Variants in SENP2 observed in about 807,000 individuals in gnomAD.
SENP2 encodes the protein SUMO specific peptidase 2.
SENP2 carries 16 observed loss-of-function variants against 86.3 expected under a neutral mutation model. That is an observed-to-expected ratio of 0.19 (90% CI 0.13 to 0.28). SENP2 has a LOEUF of 0.28. Among genes scored for constraint, SENP2 ranks in the 10% least tolerant of loss-of-function variants. SENP2 has a pLI of 1.00. For missense variants in SENP2, 552 were observed against 703.0 expected (o/e 0.79, Z 2.43); for synonymous variants, 222 against 238.7 (o/e 0.93, Z 0.64).
intron 2 of SENP2, among the ~76,000 whole-genome samples, chr3:185,590,946 G>GCC (rs202228329): frequency 0.33 from 28,392 of 87,290 alleles, 5,186 homozygotes; most frequent in South Asian, 0.45. Flanking sequence ...TTGCTCTGTC[G>GCC]CAGGCTGGAG....
chr3:185,597,399 C>T (rs560458395), intron 2 of SENP2, among the ~76,000 whole-genome samples: 34 of 152,130 alleles, frequency 2.2e-4, no homozygotes, highest in Non-Finnish European at 4.6e-4. Flanking sequence ...GTCGCCCCGG[C>T]TGGAGTGGAG....
At chr3:185,607,701 T>A (rs1722564055) in intron 6 of SENP2, among the ~76,000 whole-genome samples, 2 of 152,098 alleles carry the variant, frequency 1.3e-5, no homozygotes, top group African/African-American at 4.8e-5. Context: ...AAGTTTTTTT[T>A]TATATATAGA....
At chr3:185,588,272 C>G (rs1361671392) in intron 1 of SENP2, among the ~76,000 whole-genome samples, 3 of 151,558 alleles carry the variant, frequency 2.0e-5, no homozygotes, top group Admixed American at 6.6e-5. Context: ...GTCTCGATCT[C>G]CTGACCTCAG....
At chr3:185,613,912 G>A (rs1374591094) in intron 10 of SENP2, among the ~76,000 whole-genome samples, 1 of 149,594 alleles carries the variant, frequency 6.7e-6, no homozygotes, top group Non-Finnish European at 1.5e-5. Context: ...TTTTGCCTCT[G>A]TACAGTAGCC....
chr3:185,593,731 T>A (rs1468099923), intron 2 of SENP2, among the ~76,000 whole-genome samples: 11 of 58,766 alleles, frequency 1.9e-4, no homozygotes, highest in Non-Finnish European at 3.5e-5. Context: ...TTCATTTCTT[T>A]TTTTTTTTTT....
intron 2 of SENP2, among the ~76,000 whole-genome samples, chr3:185,592,620 T>A (rs1312745423): frequency 1.8e-5 from 1 of 55,266 alleles, no homozygotes; most frequent in African/African-American, 8.2e-5. Flanking sequence ...CAGGGTCTCC[T>A]TTTTTTTTTT....
intron 16 of SENP2, among the ~76,000 whole-genome samples, 194 bp downstream of exon 16, chr3:185,626,587 A>G (rs1392574533): frequency 6.6e-6 from 1 of 151,608 alleles, no homozygotes; most frequent in East Asian, 1.9e-4. Context: ...AGCCTGGCCA[A>G]CATGGTGAAA....
At chr3:185,612,326 C>T (rs1050708355) in intron 8 of SENP2, 1 of 289,836 alleles carries the variant, frequency 3.5e-6, no homozygotes, top group Admixed American at 4.6e-5. Flanking sequence ...CCTTATATAA[C>T]AATTTCCTTA....
At chr3:185,591,908 A>AT (rs981089190) in intron 2 of SENP2, among the ~76,000 whole-genome samples, 14 of 141,302 alleles carry the variant, frequency 9.9e-5, no homozygotes, top group South Asian at 2.2e-4. Flanking sequence ...TGATTTTTGT[A>AT]TTTTTTTTGT....
chr3:185,597,543 G>A (rs1172296843), intron 2 of SENP2, among the ~76,000 whole-genome samples: 5 of 151,634 alleles, frequency 3.3e-5, no homozygotes, highest in African/African-American at 2.4e-5. Flanking sequence ...CAGTAGGGAC[G>A]GGGTTTCACT....
At chr3:185,624,939 GA>G (rs1712073167) in intron 15 of SENP2, among the ~76,000 whole-genome samples, 1 of 152,020 alleles carries the variant, frequency 6.6e-6, no homozygotes, top group South Asian at 2.1e-4. Flanking sequence ...CAGATACAAG[GA>G]AGAGTCTGTT....
intron 16 of SENP2, 24 bp from the exon 17 acceptor site, chr3:185,629,758 C>T (rs756229713): frequency 5.6e-6 from 9 of 1,612,784 alleles, no homozygotes; most frequent in Admixed American, 3.3e-5. Context: ...GTAATGCGGG[C>T]GTTGTTTATG....
At chr3:185,608,888 T>C (rs1722598703) in intron 6 of SENP2, 1 of 161,998 alleles carries the variant, frequency 6.2e-6, no homozygotes, top group Non-Finnish European at 1.3e-5. Flanking sequence ...TTTTGGAAAC[T>C]GTATATTCTC....
In SENP2 at chr3:185,598,615, C is replaced by G. The variant is rs866968336; in HGVS notation, c.291+70C>G. On this transcript the variant is annotated intron_variant, in intron 3 of 16. Coordinates refer to ENST00000296257, the MANE Select transcript of SENP2 (RefSeq NM_021627.3). Reference sequence around the variant, plus strand: ...TAATCATTATATTTTAGAAAATTCTCTCTTCGAGAGTTAATGTGTATAATT... The same window carrying G: ...TAATCATTATATTTTAGAAAATTCTGTCTTCGAGAGTTAATGTGTATAATT... 3.4e-6 allele frequency: 5 copies of G among 1,477,718 alleles called. No individual in the cohort carries two copies. The Admixed American group carries it at 1.0e-4, about 31-fold the overall frequency. 91.5% of individuals were successfully genotyped at this position (1,477,718 alleles called of 1,614,324 possible).
At chr3:185,627,009 G>A (rs988143571) in intron 16 of SENP2, among the ~76,000 whole-genome samples, 3 of 151,530 alleles carry the variant, frequency 2.0e-5, no homozygotes, top group Admixed American at 6.6e-5. Context: ...AACCCGGGAG[G>A]TGGAGGTTGT....
chr3:185,612,595 C>T lies in SENP2; in HGVS notation c.818-12C>T. The T allele has an allele frequency of 6.3e-7, 1 of 1,593,104 alleles. No homozygotes were observed. Among genetic ancestry groups the T allele is most frequent in the Non-Finnish European group, 8.6e-7 (1 of 1,161,698 alleles). Reference sequence around the variant, plus strand: ...AAGGAAACATTTAATCTTTTCTTTACCATCCTCACAGATAGACTTGTTGAA... The same window carrying T: ...AAGGAAACATTTAATCTTTTCTTTATCATCCTCACAGATAGACTTGTTGAA... On this transcript the variant is annotated splice_polypyrimidine_tract_variant and intron_variant, in intron 8 of 16. Coordinates refer to ENST00000296257, the MANE Select transcript of SENP2 (RefSeq NM_021627.3).
Position 185,633,247 on chromosome 3 carries a change from G to T in SENP2, c.*3403G>T, listed in dbSNP as rs898937260. ...GATATGAATAAATAAGCAAGAGACC[G>T]AAAGTTAAGTGTGTGACAACCTCAG... On this transcript the variant is annotated 3_prime_UTR_variant, in exon 17 of 17. Coordinates refer to ENST00000296257, the MANE Select transcript of SENP2 (RefSeq NM_021627.3). 6.6e-6 allele frequency: 1 copy of T among 152,178 alleles called. No individual in the cohort carries two copies. The highest frequency in any genetic ancestry group is 1.5e-5 in the Non-Finnish European group (1 of 68,036). 9.4% of individuals were successfully genotyped at this position (152,178 alleles called of 1,614,324 possible). A position where few individuals can be genotyped will look rare whatever the true frequency, so the allele number is the denominator to read the frequency against.
At chr3:185,614,787 A>T (rs1047985150) in intron 11 of SENP2, 47 bp downstream of exon 11, 1 of 1,565,046 alleles carries the variant, frequency 6.4e-7, no homozygotes, top group African/African-American at 1.4e-5. Context: ...TCTTTAAATA[A>T]CCTCAGTTAT....
chr3:185,625,212 T>C (rs972691558), intron 15 of SENP2, among the ~76,000 whole-genome samples: 4 of 151,806 alleles, frequency 2.6e-5, no homozygotes, highest in South Asian at 2.1e-4. Flanking sequence ...CCCGGGTTCA[T>C]ACCATTCTCC....
Sources: allele counts gnomAD v4.1 joint callset (sites outside exome capture counted in the v4.1 genomes callset), GRCh38; gene constraint gnomAD v4.1.1; transcripts MANE v1.5; gene names NCBI Gene and HGNC (gene_info 2026-07-23, HGNC 2026-07-21).